The following C19orf38 variants were observed in gnomAD, a reference collection of about 807,000 sequenced individuals.
C19orf38 encodes chromosome 19 open reading frame 38.
Under a neutral mutation model 26.6 loss-of-function variants are expected in C19orf38, and 14 were observed. The ratio of observed to expected loss-of-function variants is 0.53; its 90% CI spans 0.35 to 0.82. The LOEUF is 0.82. C19orf38 is among the 40% of genes least tolerant of loss of function. C19orf38 has a pLI of 0.01. For synonymous variants in C19orf38, 132 were observed against 128.5 expected, an observed-to-expected ratio of 1.03 and a Z score of -0.18; for missense variants, 261 against 299.5, an observed-to-expected ratio of 0.87 and a Z score of 0.95.
At chr19:10,851,150 TTCAAGCGATTCTTCTGCC>T (rs1323657023) in intron 2 of C19orf38, among the ~76,000 whole-genome samples, 1 of 152,164 alleles carries the variant, frequency 6.6e-6, no homozygotes, top group Non-Finnish European at 1.5e-5. Context: ...TGCCTCCTGG[TTCAAGCGATTCTTCTGCC>T]TCAGCCTCCT....
chr19:10,851,504 C>T (rs1390493757), intron 2 of C19orf38, among the ~76,000 whole-genome samples: 1 of 152,120 alleles, frequency 6.6e-6, no homozygotes, highest in African/African-American at 2.4e-5. Flanking sequence ...CCATGCCCAG[C>T]TAATTTAAAA....
chr19:10,852,841 G>C (rs1033162498), intron 2 of C19orf38, among the ~76,000 whole-genome samples: 3 of 151,992 alleles, frequency 2.0e-5, no homozygotes, highest in Non-Finnish European at 4.4e-5. Context: ...ATCTCTGAAT[G>C]AGGAGGCTGG....
chr19:10,868,375 C>CTT (rs2073772742), intron 6 of C19orf38, among the ~76,000 whole-genome samples: 1 of 152,194 alleles, frequency 6.6e-6, no homozygotes, highest in Non-Finnish European at 1.5e-5. Context: ...AACTGAGTGG[C>CTT]TTTAGTTCTA....
chr19:10,837,501 TC>T (rs2073443217), intron 1 of C19orf38, among the ~76,000 whole-genome samples: 3 of 144,954 alleles, frequency 2.1e-5, no homozygotes, highest in Admixed American at 6.9e-5. Flanking sequence ...AATTTTTTTT[TC>T]CTTTTTTTTT....
chr19:10,844,336 G>C (rs546121042), upstream of C19orf38, among the ~76,000 whole-genome samples: 1 of 151,572 alleles, frequency 6.6e-6, no homozygotes, highest in East Asian at 1.9e-4. Context: ...CCAGGAGGTG[G>C]AGTTTGCAGT....
intron 2 of C19orf38, among the ~76,000 whole-genome samples, chr19:10,854,044 C>A (rs1271416998): frequency 1.3e-5 from 2 of 151,090 alleles, no homozygotes; most frequent in Admixed American, 6.6e-5. Context: ...CAGAGGGAGA[C>A]CCTGTCTGTA....
intron 6 of C19orf38, among the ~76,000 whole-genome samples, chr19:10,865,786 A>G (rs893223303): frequency 6.6e-6 from 1 of 152,130 alleles, no homozygotes; most frequent in Non-Finnish European, 1.5e-5. Context: ...ATACACGCAG[A>G]AGTGGATCTG....
rs1372233978 is a variant in C19orf38 at position 10,858,225 on chromosome 19, C to G, written c.434-91C>G. The G allele has an allele frequency of 1.3e-4, 59 of 446,044 alleles. No individual in the cohort carries two copies. The South Asian group carries it at 1.5e-3, about 11-fold the overall frequency. 27.6% of individuals were successfully genotyped at this position (446,044 alleles called of 1,614,324 possible). On this transcript the variant is annotated intron_variant, in intron 3 of 6. Coordinates refer to ENST00000397820, the MANE Select transcript of C19orf38 (RefSeq NM_001136482.3). ...CCTGGGTGAAAGAATGAGACTCTGT[C>G]TAAAAAAAAAAAAAAAAAAAAAAAA...
At chr19:10,844,558 AAAAG>A (rs975489606), upstream of C19orf38, among the ~76,000 whole-genome samples, 20 of 151,780 alleles carry the variant, frequency 1.3e-4, no homozygotes, top group African/African-American at 3.6e-4. Context: ...TTAAAAAAAA[AAAAG>A]AAAGGCCGGG....
intron 1 of C19orf38, among the ~76,000 whole-genome samples, chr19:10,842,525 G>A (rs2073485676): frequency 6.6e-6 from 1 of 152,032 alleles, no homozygotes; most frequent in Non-Finnish European, 1.5e-5. Flanking sequence ...CTCCCAAAGT[G>A]CTGGGATTAC....
upstream of C19orf38, among the ~76,000 whole-genome samples, chr19:10,844,134 C>T (rs1016031599): frequency 1.3e-5 from 2 of 150,706 alleles, no homozygotes; most frequent in South Asian, 2.1e-4. Context: ...AGGCTGGACA[C>T]GGTGGCTCAC....
upstream of C19orf38, among the ~76,000 whole-genome samples, chr19:10,845,118 C>T (rs1175796946): frequency 6.6e-6 from 1 of 151,256 alleles, no homozygotes; most frequent in African/African-American, 2.4e-5. Context: ...GATTATACCA[C>T]TGCACTCCAG....
intron 3 of C19orf38, among the ~76,000 whole-genome samples, chr19:10,856,973 TA>T (rs1475330689): frequency 2.6e-5 from 4 of 151,460 alleles, no homozygotes; most frequent in Admixed American, 6.6e-5. Context: ...ATTATTTATT[TA>T]TTTTTTTTAG....
At chr19:10,846,241 G>A (rs2146245347), upstream of C19orf38, among the ~76,000 whole-genome samples, 1 of 151,672 alleles carries the variant, frequency 6.6e-6, no homozygotes, top group South Asian at 2.1e-4. Context: ...CTGTTGCCCA[G>A]GCTGGAGTGC....
chr19:10,846,148 C>G (rs2073514796), upstream of C19orf38, among the ~76,000 whole-genome samples: 1 of 151,004 alleles, frequency 6.6e-6, no homozygotes, highest in Non-Finnish European at 1.5e-5. Context: ...TGCTGCTTCA[C>G]TGTAGCCTGA....
intron 1 of C19orf38, 30 bp from the exon 2 acceptor site, chr19:10,850,229 C>A: frequency 6.6e-7 from 1 of 1,520,404 alleles, no homozygotes; most frequent in Non-Finnish European, 8.9e-7. Context: ...TCTCACCACG[C>A]ACCCACCCAC....
rs1215156181 is a variant in C19orf38 at position 10,857,321 on chromosome 19, TAC to T, written c.433+978_433+979del. Among the ~76,000 whole-genome samples, 25 of 117,838 alleles carry T rather than the reference TAC, an allele frequency of 2.1e-4. 1 individual carries two copies. In the East Asian group the frequency reaches 3.8e-3, roughly 18 times the overall value. 77.3% of individuals were successfully genotyped at this position (117,838 alleles called of 152,430 possible). A position where few individuals can be genotyped will look rare whatever the true frequency, so the allele number is the denominator to read the frequency against. On this transcript the variant is annotated intron_variant, in intron 3 of 6. Transcript: ENST00000397820. ...ATATATATGTGTGTATATATATACA[TAC>T]ACACACACACACATACATATATATA...
intron 2 of C19orf38, among the ~76,000 whole-genome samples, chr19:10,852,760 G>A (rs1340969819): frequency 6.6e-6 from 1 of 152,108 alleles, no homozygotes; most frequent in East Asian, 1.9e-4. Flanking sequence ...GGGGGGTCTT[G>A]TAGACCACAG....
At chr19:10,841,974 G>A in intron 1 of C19orf38, 1 of 1,610,090 alleles carries the variant, frequency 6.2e-7, no homozygotes, top group Admixed American at 1.7e-5. Context: ...CAAAATTTCA[G>A]GTCTTAAATC....
Sources: gnomAD v4.1 joint callset for allele counts (sites outside exome capture counted in the v4.1 genomes callset) on GRCh38, gnomAD v4.1.1 for gene constraint, MANE v1.5 for transcripts, NCBI Gene and HGNC (gene_info 2026-07-23, HGNC 2026-07-21) for gene names.